The following PALS1 variants were observed in gnomAD, a reference collection of about 807,000 sequenced individuals.
PALS1 encodes protein associated with LIN7 1, MAGUK p55 family member, also known as protein PALS1.
PALS1 carries 31 observed loss-of-function variants against 78.9 expected under a neutral mutation model. The observed-to-expected ratio is 0.39, with a 90% CI of 0.30 to 0.53. The LOEUF is 0.53. Among genes scored for constraint, PALS1 ranks in the 20% least tolerant of loss-of-function variants. PALS1 has a pLI of 0.67. For synonymous variants in PALS1, 276 were observed against 270.9 expected (o/e 1.02, Z -0.18); for missense variants, 704 against 826.5 (o/e 0.85, Z 1.82).
At chr14:67,257,179 T>C (rs1055861712) in intron 1 of PALS1, among the ~76,000 whole-genome samples, 4 of 152,172 alleles carry the variant, frequency 2.6e-5, no homozygotes, top group African/African-American at 9.7e-5. Flanking sequence ...CCTTGATCAG[T>C]CTTTCACTGA....
At chr14:67,250,989 T>C (rs1052022966) in intron 1 of PALS1, among the ~76,000 whole-genome samples, 3 of 152,208 alleles carry the variant, frequency 2.0e-5, no homozygotes, top group Non-Finnish European at 4.4e-5. Context: ...AACAACTACA[T>C]TTCAAGTTCT....
intron 1 of PALS1, among the ~76,000 whole-genome samples, chr14:67,259,416 GC>G (rs1296064297): frequency 5.9e-5 from 9 of 151,958 alleles, no homozygotes; most frequent in African/African-American, 2.2e-4. Flanking sequence ...TTTGAGACCA[GC>G]CTGGCCAACA....
At chr14:67,324,849 A>G (rs2085325655) in intron 14 of PALS1, among the ~76,000 whole-genome samples, 1 of 148,624 alleles carries the variant, frequency 6.7e-6, no homozygotes, top group African/African-American at 2.5e-5. Context: ...TCAGCCTCCC[A>G]AAGTTCTTGG....
intron 3 of PALS1, among the ~76,000 whole-genome samples, chr14:67,287,654 A>G (rs1348908428): frequency 6.6e-6 from 1 of 152,242 alleles, no homozygotes; most frequent in East Asian, 1.9e-4. Context: ...GTATGTGTCA[A>G]AGTGTTAAAT....
At chr14:67,247,091 T>C (rs956138672) in intron 1 of PALS1, among the ~76,000 whole-genome samples, 2 of 152,246 alleles carry the variant, frequency 1.3e-5, no homozygotes, top group African/African-American at 4.8e-5. Context: ...TACATTCTGT[T>C]GGGATTTTGA....
intron 9 of PALS1, among the ~76,000 whole-genome samples, chr14:67,313,526 C>G (rs572962600): frequency 6.6e-6 from 1 of 152,108 alleles, no homozygotes; most frequent in Non-Finnish European, 1.5e-5. Flanking sequence ...ATGGCTCTTA[C>G]AGTTCCCAGG....
At chr14:67,313,070 A>G (rs1220061056) in intron 9 of PALS1, among the ~76,000 whole-genome samples, 1 of 152,196 alleles carries the variant, frequency 6.6e-6, no homozygotes, top group African/African-American at 2.4e-5. Flanking sequence ...GGAAAGATGC[A>G]TAACTTTATA....
chr14:67,328,414 T>C (rs2085393361), intron 14 of PALS1, among the ~76,000 whole-genome samples: 1 of 152,256 alleles, frequency 6.6e-6, no homozygotes, highest in African/African-American at 2.4e-5. Flanking sequence ...GGTAAAAATT[T>C]TCTCCCATTC....
chr14:67,254,879 A>G (rs1046732918), intron 1 of PALS1, among the ~76,000 whole-genome samples: 2 of 152,316 alleles, frequency 1.3e-5, no homozygotes, highest in Admixed American at 6.5e-5. Context: ...GGCCGGGCGC[A>G]GTGGCTCACA....
In PALS1 at chr14:67,302,063, A is replaced by G. The variant is rs2084939221; in HGVS notation, c.746A>G (p.Tyr249Cys). The G allele has an allele frequency of 6.2e-7, 1 of 1,609,514 alleles. No individual in the cohort carries two copies. The highest frequency in any genetic ancestry group is 8.5e-7 in the Non-Finnish European group (1 of 1,177,888). The stretch of plus-strand genomic sequence containing the variant: ...AGAGTTTATGAAAGTATTGGCCAGT[A>G]TGGAGGAGAAACTGTAAAAATAGTT... ...DERVYESIGQ[Y>C]GGETVKIVRI... Residue 249 changes from tyrosine (Y) to cysteine (C), a missense_variant, in exon 6 of 15, where the codon TAT becomes TGT. Physicochemically the swap from Tyr to Cys is radical, Grantham distance 194. Transcript: ENST00000261681.
chr14:67,334,440 C>G lies in PALS1; in HGVS notation c.*1484C>G, dbSNP rs1011869400. On this transcript the variant is annotated 3_prime_UTR_variant, in exon 15 of 15. Coordinates refer to ENST00000261681, the MANE Select transcript of PALS1 (RefSeq NM_022474.4). Reference sequence around the variant, plus strand: ...GCTACAGCATTTCCTATACCCAGAGCTAAACACTGGAATAATACTGACATC... The same window carrying G: ...GCTACAGCATTTCCTATACCCAGAGGTAAACACTGGAATAATACTGACATC... 2 of 152,598 alleles carry G rather than the reference C, an allele frequency of 1.3e-5. No homozygotes were observed. The highest frequency in any genetic ancestry group is 2.4e-5 in the African/African-American group (1 of 41,436). 9.5% of individuals were successfully genotyped at this position (152,598 alleles called of 1,614,324 possible). A position where few individuals can be genotyped will look rare whatever the true frequency, so the allele number is the denominator to read the frequency against.
intron 2 of PALS1, among the ~76,000 whole-genome samples, chr14:67,278,341 CT>C (rs551435645): frequency 0.087 from 12,048 of 137,870 alleles, 1,043 homozygotes; most frequent in African/African-American, 0.23. Context: ...CGGCCCAATT[CT>C]TTTTTTTTTT....
Position 67,335,226 on chromosome 14 carries a change from G to C in PALS1, c.*2270G>C, listed in dbSNP as rs1203864762. 6.6e-6 allele frequency: 1 copy of C among 152,214 alleles called. No homozygotes were observed. The highest frequency in any genetic ancestry group is 2.1e-4 in the South Asian group (1 of 4,832). 9.4% of individuals were successfully genotyped at this position (152,214 alleles called of 1,614,324 possible). A position where few individuals can be genotyped will look rare whatever the true frequency, so the allele number is the denominator to read the frequency against. On this transcript the variant is annotated 3_prime_UTR_variant, in exon 15 of 15. Coordinates refer to ENST00000261681, the MANE Select transcript of PALS1 (RefSeq NM_022474.4). The stretch of plus-strand genomic sequence containing the variant: ...AACTTTTCTAAATCCTAGTGATGAG[G>C]ATGTGCTGATATTCAACATAGTCCT...
intron 13 of PALS1, among the ~76,000 whole-genome samples, chr14:67,321,955 T>G (rs1390012712): frequency 6.6e-6 from 1 of 152,242 alleles, no homozygotes; most frequent in African/African-American, 2.4e-5. Context: ...ATGGTTTAAA[T>G]GCCATTGTTC....
chr14:67,292,359 T>C, intron 3 of PALS1, 152 bp from the exon 4 acceptor site: 1 of 566,360 alleles, frequency 1.8e-6, no homozygotes, highest in Admixed American at 3.3e-5. Context: ...TTAAAACCTA[T>C]GAAATGACCA....
At chr14:67,283,622 T>G (rs758320990) in intron 3 of PALS1, among the ~76,000 whole-genome samples, 2 of 152,228 alleles carry the variant, frequency 1.3e-5, no homozygotes. Flanking sequence ...TTCCTGGAAT[T>G]GAAATAATTA....
chr14:67,290,183 C>G (rs1284183661), intron 3 of PALS1, among the ~76,000 whole-genome samples: 1 of 152,040 alleles, frequency 6.6e-6, no homozygotes, highest in East Asian at 1.9e-4. Flanking sequence ...TAGGACTTTT[C>G]TTTTTGGAAG....
chr14:67,286,151 C>T (rs530795042), intron 3 of PALS1, among the ~76,000 whole-genome samples: 1 of 152,212 alleles, frequency 6.6e-6, no homozygotes, highest in Non-Finnish European at 1.5e-5. Context: ...GCTAGATTTG[C>T]TATGCCTGCC....
In PALS1 at chr14:67,289,768, C is replaced by CTTTTTTT. The variant is rs1491090879; in HGVS notation, c.368-2743_368-2742insTTTTTTT. Among the ~76,000 whole-genome samples the CTTTTTTT allele has an allele frequency of 2.3e-4, 22 of 95,476 alleles. 5 individuals are homozygous for CTTTTTTT. The highest frequency in any genetic ancestry group is 5.0e-4 in the African/African-American group (12 of 24,042). The allele number at this position is 95,476 out of a possible 152,430, so 62.6% of individuals were successfully genotyped here. A position where few individuals can be genotyped will look rare whatever the true frequency, so the allele number is the denominator to read the frequency against. On this transcript the variant is annotated intron_variant, in intron 3 of 14. Transcript: ENST00000261681. ...ACATTGGGAAGATTTTTTTCCATGT[C>CTTTTTTT]CTTTTTTTTTTTTTTTTTTTTTGAG...
Sources: allele counts gnomAD v4.1 joint callset (sites outside exome capture counted in the v4.1 genomes callset), GRCh38; gene constraint gnomAD v4.1.1; transcripts MANE v1.5; gene names NCBI Gene and HGNC (gene_info 2026-07-23, HGNC 2026-07-21).